The following AGTPBP1 variants were observed in gnomAD, a reference collection of about 807,000 sequenced individuals.
AGTPBP1 encodes the protein ATP/GTP binding carboxypeptidase 1.
AGTPBP1 carries 70 observed loss-of-function variants against 143.9 expected under a neutral mutation model. That is an observed-to-expected ratio of 0.49 (90% CI 0.40 to 0.59). The LOEUF (loss-of-function observed/expected upper bound fraction) is 0.59. Ranked by LOEUF, AGTPBP1 falls within the 20% of genes least tolerant of loss-of-function variation. The pLI, the probability that AGTPBP1 is intolerant of heterozygous loss-of-function variation, is 0.00. For missense variants in AGTPBP1, 1,229 were observed against 1,464.5 expected (o/e 0.84, Z 2.62); for synonymous variants, 463 against 500.2 (o/e 0.93, Z 0.99).
rs545927600 is a variant in AGTPBP1, at chr9:85,679,132, G to C, written c.226-734C>G. Among the ~76,000 whole-genome samples the C allele has an allele frequency of 2.0e-5, 3 of 152,106 alleles. No individual in the cohort carries two copies. In the South Asian group the frequency reaches 6.2e-4, roughly 32 times the overall value. On this transcript the variant is annotated intron_variant, in intron 4 of 25. Coordinates refer to ENST00000357081, the MANE Select transcript of AGTPBP1 (RefSeq NM_001330701.2). ...TACAATTCCAAGGTCAAAGAATATG[G>C]GCCTTTATTTTAATAGATATTACCA...
At chr9:85,684,977 A>AT (rs1835404060) in intron 3 of AGTPBP1, among the ~76,000 whole-genome samples, 1 of 150,692 alleles carries the variant, frequency 6.6e-6, no homozygotes, top group Admixed American at 6.6e-5. Flanking sequence ...ACACTTGAGA[A>AT]TAAAAAAAAA....
intron 25 of AGTPBP1, 24 bp from the exon 26 acceptor site, chr9:85,547,310 T>C: frequency 2.5e-6 from 4 of 1,574,796 alleles, no homozygotes; most frequent in Non-Finnish European, 3.4e-6. Flanking sequence ...ACACAGAACA[T>C]ACAAGACTTT....
the AGTPBP1 span, among the ~76,000 whole-genome samples, chr9:85,753,779 TA>T: frequency 2.6e-5 from 4 of 151,522 alleles, no homozygotes; most frequent in Non-Finnish European, 4.4e-5. Flanking sequence ...GATAGATAGA[TA>T]GATAGATAGA....
chr9:85,682,279 C>T (rs1324616053), intron 3 of AGTPBP1, among the ~76,000 whole-genome samples: 1 of 148,690 alleles, frequency 6.7e-6, no homozygotes, highest in Non-Finnish European at 1.5e-5. Context: ...AAGAAAAGTA[C>T]ATCCTAGGTC....
chr9:85,673,256 G>A (rs1053296424), intron 6 of AGTPBP1, among the ~76,000 whole-genome samples: 1 of 151,822 alleles, frequency 6.6e-6, no homozygotes, highest in Non-Finnish European at 1.5e-5. Flanking sequence ...GGAGGATGGA[G>A]GCTAGAGTAG....
chr9:85,798,423 A>G, the AGTPBP1 span, among the ~76,000 whole-genome samples: 1 of 140,862 alleles, frequency 7.1e-6, no homozygotes, highest in African/African-American at 2.7e-5. Flanking sequence ...GCTGGAGTGT[A>G]GTGGCGTGAC....
the AGTPBP1 span, among the ~76,000 whole-genome samples, chr9:85,773,061 C>T: frequency 4.6e-5 from 7 of 151,606 alleles, no homozygotes; most frequent in Admixed American, 1.3e-4. Flanking sequence ...GTCAGGAGAT[C>T]GAGACCATCC....
chr9:85,676,145 C>G (rs1300615531), intron 6 of AGTPBP1, among the ~76,000 whole-genome samples: 2 of 152,078 alleles, frequency 1.3e-5, no homozygotes, highest in African/African-American at 4.8e-5. Context: ...TTGGTCTGGG[C>G]AAAATTTAGT....
In AGTPBP1 at chr9:85,585,462, C is replaced by G; in HGVS notation, c.3165+1G>C. ...ACTTATGAATCATCTGTAATAATTA[C>G]CCTGTATCCCGTATCCTCCACAACA... On this transcript the variant is annotated splice_donor_variant, in intron 23 of 25. Transcript: ENST00000357081. LOFTEE classifies it high-confidence loss of function. The G allele has an allele frequency of 6.3e-7, 1 of 1,591,584 alleles. No individual in the cohort carries two copies. Among genetic ancestry groups the G allele is most frequent in the Non-Finnish European group, 8.5e-7 (1 of 1,170,774 alleles).
intron 8 of AGTPBP1, among the ~76,000 whole-genome samples, chr9:85,666,564 T>C (rs1287208087): frequency 1.3e-5 from 2 of 152,132 alleles, no homozygotes. Context: ...CTTTTTAAAG[T>C]AGAAATAGAA....
At chr9:85,773,264 C>CA in the AGTPBP1 span, among the ~76,000 whole-genome samples, 438 of 46,780 alleles carry the variant, frequency 9.4e-3, 14 homozygotes, top group African/African-American at 0.032. Context: ...GACTCCTTCT[C>CA]AAAAAAAAAA....
the AGTPBP1 span, among the ~76,000 whole-genome samples, chr9:85,798,839 TTTATTA>T: frequency 6.6e-6 from 1 of 151,842 alleles, no homozygotes; most frequent in Non-Finnish European, 1.5e-5. Context: ...CAGGAGGATC[TTTATTA>T]TTATTATTAT....
chr9:85,596,878 T>C (rs1452999790), intron 17 of AGTPBP1, among the ~76,000 whole-genome samples: 1 of 152,038 alleles, frequency 6.6e-6, no homozygotes, highest in Non-Finnish European at 1.5e-5. Context: ...TCCCCACCGT[T>C]CTCCATACAT....
chr9:85,763,934 A>T, the AGTPBP1 span, among the ~76,000 whole-genome samples: 1 of 152,222 alleles, frequency 6.6e-6, no homozygotes, highest in Non-Finnish European at 1.5e-5. Context: ...AAATTTGACC[A>T]TAGTGAACAT....
chr9:85,793,114 A>G, the AGTPBP1 span, among the ~76,000 whole-genome samples: 7 of 152,118 alleles, frequency 4.6e-5, no homozygotes. Context: ...CTTCATGACT[A>G]TTTCTTTGAT....
the AGTPBP1 span, among the ~76,000 whole-genome samples, chr9:85,801,982 G>T: frequency 7.8e-4 from 119 of 152,198 alleles, 3 homozygotes; most frequent in South Asian, 0.023. Context: ...TAACTATGTG[G>T]ATGTTCACTT....
intron 1 of AGTPBP1, among the ~76,000 whole-genome samples, chr9:85,713,244 A>G (rs1314645465): frequency 1.3e-5 from 2 of 152,220 alleles, no homozygotes; most frequent in Non-Finnish European, 1.5e-5. Flanking sequence ...CAAAAAGTTA[A>G]TCATGGCTGG....
At chr9:85,636,244 C>T (rs1341906201) in intron 13 of AGTPBP1, among the ~76,000 whole-genome samples, 1 of 147,664 alleles carries the variant, frequency 6.8e-6, no homozygotes, top group South Asian at 2.1e-4. Context: ...TGATTAAATG[C>T]ATTTTGTAAG....
chr9:85,638,138 T>C (rs1021954545), intron 13 of AGTPBP1, among the ~76,000 whole-genome samples: 7 of 152,098 alleles, frequency 4.6e-5, no homozygotes, highest in African/African-American at 1.4e-4. Flanking sequence ...AGTGTGTATA[T>C]ATATATGTTG....
Sources: allele counts gnomAD v4.1 joint callset (sites outside exome capture counted in the v4.1 genomes callset), GRCh38; gene constraint gnomAD v4.1.1; transcripts MANE v1.5; gene names NCBI Gene and HGNC (gene_info 2026-07-23, HGNC 2026-07-21).